CAMKMT: variants seen among roughly 807,000 people sequenced by gnomAD.
CAMKMT encodes calmodulin-lysine N-methyltransferase.
Under a neutral mutation model 48.0 loss-of-function variants are expected in CAMKMT, and 53 were observed. The ratio of observed to expected loss-of-function variants is 1.10; its 90% CI spans 0.89 to 1.39. CAMKMT has a LOEUF of 1.39. Among genes scored for constraint, CAMKMT ranks in the 40% most tolerant of loss-of-function variants. CAMKMT has a pLI of 0.00. For missense variants in CAMKMT, 428 were observed against 402.7 expected (o/e 1.06, Z -0.54); for synonymous variants, 165 against 152.3 (o/e 1.08, Z -0.61).
In CAMKMT at chr2:44,546,154, G is replaced by GACACACACACACAC. The variant is rs4039614; in HGVS notation, c.376+155885_376+155898dup. Among the ~76,000 whole-genome samples, 631 of 129,132 alleles carry GACACACACACACAC rather than the reference G, an allele frequency of 4.9e-3. 8 individuals are homozygous for GACACACACACACAC. The highest frequency in any genetic ancestry group is 0.013 in the African/African-American group (412 of 31,838). 84.7% of individuals were successfully genotyped at this position (129,132 alleles called of 152,430 possible). A position where few individuals can be genotyped will look rare whatever the true frequency, so the allele number is the denominator to read the frequency against. The stretch of plus-strand genomic sequence containing the variant: ...GGATCTGGCTATCTTAGACTGCTAG[G>GACACACACACACAC]ACACACACACACACACACACACACA... On this transcript the variant is annotated intron_variant, in intron 3 of 10. Coordinates refer to ENST00000378494, the MANE Select transcript of CAMKMT (RefSeq NM_024766.5).
At chr2:44,696,546 T>C (rs536379843) in intron 3 of CAMKMT, among the ~76,000 whole-genome samples, 36 of 152,256 alleles carry the variant, frequency 2.4e-4, no homozygotes, top group African/African-American at 8.2e-4. Context: ...GGTTTATTCT[T>C]TGGAGAGGGT....
At chr2:44,454,020 G>C (rs1184888068) in intron 3 of CAMKMT, among the ~76,000 whole-genome samples, 1 of 152,054 alleles carries the variant, frequency 6.6e-6, no homozygotes, top group Non-Finnish European at 1.5e-5. Context: ...GAAAATGTCT[G>C]CCTGACTATA....
At position 44,402,751 on chromosome 2, in the gene CAMKMT, T is replaced by TC. The variant is rs1159792020; in HGVS notation, c.376+12446_376+12447insC. Among the ~76,000 whole-genome samples the TC allele has an allele frequency of 1.8e-3, 262 of 149,352 alleles. 1 individual carries two copies. The highest frequency in any genetic ancestry group is 3.3e-3 in the Non-Finnish European group (222 of 67,180). On this transcript the variant is annotated intron_variant, in intron 3 of 10. Coordinates refer to ENST00000378494, the MANE Select transcript of CAMKMT (RefSeq NM_024766.5). Reference sequence around the variant, plus strand: ...TCTTTTGTTTTGCTGTTTTTTTTTTTTTTTTTTTACTTTTTCTTTACTTTT... The same window carrying TC: ...TCTTTTGTTTTGCTGTTTTTTTTTTTCTTTTTTTTACTTTTTCTTTACTTTT...
intron 3 of CAMKMT, among the ~76,000 whole-genome samples, chr2:44,445,506 A>G (rs1380346584): frequency 1.3e-5 from 2 of 151,910 alleles, no homozygotes; most frequent in African/African-American, 4.8e-5. Flanking sequence ...CTCTTCACAG[A>G]TAGGTAATTG....
chr2:44,469,219 G>C (rs796389090), intron 3 of CAMKMT, among the ~76,000 whole-genome samples: 2 of 152,198 alleles, frequency 1.3e-5, no homozygotes, highest in African/African-American at 4.8e-5. Context: ...ATATATCAAA[G>C]TATCATACTG....
chr2:44,548,637 A>T (rs905454176), intron 3 of CAMKMT, among the ~76,000 whole-genome samples: 2 of 152,192 alleles, frequency 1.3e-5, no homozygotes, highest in Non-Finnish European at 2.9e-5. Context: ...AACCCCTTTA[A>T]ATCTGGGTCT....
At chr2:44,418,203 A>AG (rs957069743) in intron 3 of CAMKMT, among the ~76,000 whole-genome samples, 1 of 151,754 alleles carries the variant, frequency 6.6e-6, no homozygotes, top group African/African-American at 2.4e-5. Context: ...AAAAAAAAAA[A>AG]AAAAAAGAAT....
intron 3 of CAMKMT, among the ~76,000 whole-genome samples, chr2:44,543,627 A>C (rs900397399): frequency 6.6e-6 from 1 of 151,862 alleles, no homozygotes; most frequent in African/African-American, 2.4e-5. Flanking sequence ...ACCCAACCCT[A>C]TTTTTCTTAT....
At chr2:44,496,674 G>A (rs544141076) in intron 3 of CAMKMT, among the ~76,000 whole-genome samples, 4 of 152,252 alleles carry the variant, frequency 2.6e-5, no homozygotes, top group Non-Finnish European at 5.9e-5. Flanking sequence ...CGTTCCTAAG[G>A]GAATATGACT....
intron 3 of CAMKMT, among the ~76,000 whole-genome samples, chr2:44,403,837 A>G (rs1682597991): frequency 6.6e-6 from 1 of 152,210 alleles, no homozygotes; most frequent in African/African-American, 2.4e-5. Flanking sequence ...CTAGAACAGC[A>G]TTTCCAGTTT....
At chr2:44,688,440 G>T (rs901596963) in intron 3 of CAMKMT, among the ~76,000 whole-genome samples, 1 of 151,488 alleles carries the variant, frequency 6.6e-6, no homozygotes, top group African/African-American at 2.4e-5. Flanking sequence ...TGGCCATTTT[G>T]CACAGCTGAG....
intron 3 of CAMKMT, among the ~76,000 whole-genome samples, chr2:44,681,052 A>AT (rs1316950721): frequency 2.6e-5 from 4 of 152,102 alleles, no homozygotes; most frequent in African/African-American, 7.2e-5. Flanking sequence ...TTCCAATTTA[A>AT]TTTTTTTTAA....
intron 8 of CAMKMT, among the ~76,000 whole-genome samples, chr2:44,749,625 G>A (rs1680071108): frequency 6.6e-6 from 1 of 152,132 alleles, no homozygotes; most frequent in African/African-American, 2.4e-5. Flanking sequence ...TTAATTTGAT[G>A]TCCACATAGT....
At chr2:44,471,759 G>T (rs890209780) in intron 3 of CAMKMT, among the ~76,000 whole-genome samples, 1 of 152,004 alleles carries the variant, frequency 6.6e-6, no homozygotes, top group Non-Finnish European at 1.5e-5. Flanking sequence ...CAGACTGTCT[G>T]CAGCCTCCAC....
intron 10 of CAMKMT, among the ~76,000 whole-genome samples, chr2:44,769,633 A>G (rs1445928577): frequency 6.6e-6 from 1 of 151,910 alleles, no homozygotes; most frequent in Non-Finnish European, 1.5e-5. Context: ...TTGAAATATA[A>G]TTTTACATGC....
chr2:44,503,342 A>C (rs983452202), intron 3 of CAMKMT, among the ~76,000 whole-genome samples: 1 of 152,166 alleles, frequency 6.6e-6, no homozygotes, highest in Non-Finnish European at 1.5e-5. Flanking sequence ...AGAGGATAGA[A>C]TATAAGAGAT....
chr2:44,478,791 T>G (rs1668820419), intron 3 of CAMKMT, among the ~76,000 whole-genome samples: 1 of 151,476 alleles, frequency 6.6e-6, no homozygotes, highest in South Asian at 2.1e-4. Context: ...AGCTCCACCT[T>G]CTGGGTTCAC....
intron 9 of CAMKMT, among the ~76,000 whole-genome samples, chr2:44,755,703 G>A (rs1383154133): frequency 6.6e-6 from 1 of 152,172 alleles, no homozygotes; most frequent in Admixed American, 6.5e-5. Flanking sequence ...GAATCCAGCA[G>A]CTCTTCTGTA....
At chr2:44,479,041 A>T (rs1301704933) in intron 3 of CAMKMT, among the ~76,000 whole-genome samples, 3 of 152,216 alleles carry the variant, frequency 2.0e-5, no homozygotes, top group Non-Finnish European at 4.4e-5. Flanking sequence ...CATCCTTGGT[A>T]CATATTGCTA....
Sources: gnomAD v4.1 joint callset for allele counts (sites outside exome capture counted in the v4.1 genomes callset) on GRCh38, gnomAD v4.1.1 for gene constraint, MANE v1.5 for transcripts, NCBI Gene and HGNC (gene_info 2026-07-23, HGNC 2026-07-21) for gene names.